The following PCED1B variants were observed in gnomAD, a reference collection of about 807,000 sequenced individuals.
PCED1B encodes the protein PC-esterase domain containing 1B, also known as PC-esterase domain-containing protein 1B.
For missense variants in PCED1B, 573 were observed against 573.9 expected (o/e 1.00, Z 0.02); for synonymous variants, 251 against 246.1 (o/e 1.02, Z -0.19).
intron 1 of PCED1B, among the ~76,000 whole-genome samples, chr12:47,085,052 G>A (rs1431082537): frequency 3.3e-5 from 5 of 152,310 alleles, no homozygotes; most frequent in Non-Finnish European, 2.9e-5. Context: ...GCTAAGGCAC[G>A]AGAATCGCTT....
At chr12:47,188,180 T>G (rs1372148035) in intron 2 of PCED1B, among the ~76,000 whole-genome samples, 2 of 152,190 alleles carry the variant, frequency 1.3e-5, no homozygotes, top group African/African-American at 4.8e-5. Context: ...ACAGTGATCT[T>G]GCCTTAGTTG....
At chr12:47,218,783 G>C (rs1943383475) in intron 3 of PCED1B, among the ~76,000 whole-genome samples, 1 of 151,172 alleles carries the variant, frequency 6.6e-6, no homozygotes, top group African/African-American at 2.4e-5. Flanking sequence ...TGGGATTTCA[G>C]GTGTGAGCCA....
chr12:47,228,531 G>C (rs1417801442), intron 3 of PCED1B, among the ~76,000 whole-genome samples: 1 of 152,064 alleles, frequency 6.6e-6, no homozygotes, highest in Non-Finnish European at 1.5e-5. Context: ...CTAAATCTTA[G>C]CTCTATCACA....
chr12:47,184,361 A>G (rs1257389192), intron 2 of PCED1B, among the ~76,000 whole-genome samples: 5 of 151,986 alleles, frequency 3.3e-5, no homozygotes, highest in Non-Finnish European at 7.4e-5. Context: ...GCATTTGCAG[A>G]TTTCCATGAT....
chr12:47,148,296 T>C (rs1278288332), intron 2 of PCED1B, among the ~76,000 whole-genome samples: 1 of 152,238 alleles, frequency 6.6e-6, no homozygotes, highest in East Asian at 1.9e-4. Context: ...AATTTTATTA[T>C]GATTTTAGAG....
chr12:47,122,895 C>T (rs1362512495), intron 2 of PCED1B, among the ~76,000 whole-genome samples: 1 of 152,180 alleles, frequency 6.6e-6, no homozygotes. Flanking sequence ...CACTGACCTC[C>T]TGGAGATTAT....
At chr12:47,119,894 G>T (rs574394025) in intron 2 of PCED1B, among the ~76,000 whole-genome samples, 1 of 151,706 alleles carries the variant, frequency 6.6e-6, no homozygotes, top group African/African-American at 2.4e-5. Context: ...TTGAACCCAG[G>T]GGGCGGAGGT....
chr12:47,183,961 G>A (rs1439623135), intron 2 of PCED1B, among the ~76,000 whole-genome samples: 2 of 152,218 alleles, frequency 1.3e-5, no homozygotes, highest in African/African-American at 4.8e-5. Flanking sequence ...TCCTGCTGAG[G>A]CAGAGCTGAC....
chr12:47,151,841 C>T (rs955318065), intron 2 of PCED1B, among the ~76,000 whole-genome samples: 2 of 152,194 alleles, frequency 1.3e-5, no homozygotes, highest in Non-Finnish European at 2.9e-5. Flanking sequence ...ATCTACTTCA[C>T]TCAGTCTGGC....
At chr12:47,170,739 GTC>G (rs1378609041) in intron 2 of PCED1B, among the ~76,000 whole-genome samples, 3 of 152,120 alleles carry the variant, frequency 2.0e-5, no homozygotes, top group African/African-American at 4.8e-5. Flanking sequence ...CAACCTGCCA[GTC>G]TCTGTTTTTC....
At chr12:47,182,235 C>T (rs960612745) in intron 2 of PCED1B, among the ~76,000 whole-genome samples, 1 of 152,052 alleles carries the variant, frequency 6.6e-6, no homozygotes, top group Non-Finnish European at 1.5e-5. Context: ...AGAGAGAGGA[C>T]CTAGAAGAAT....
intron 2 of PCED1B, among the ~76,000 whole-genome samples, chr12:47,212,633 G>A (rs74084709): frequency 6.6e-6 from 1 of 152,190 alleles, no homozygotes; most frequent in South Asian, 2.1e-4. Flanking sequence ...CCAGCCCATG[G>A]AACAGTGCCC....
intron 1 of PCED1B, among the ~76,000 whole-genome samples, chr12:47,089,378 C>T (rs552913891): frequency 3.4e-5 from 5 of 145,764 alleles, no homozygotes; most frequent in East Asian, 4.1e-4. Context: ...ACCCGGGTGG[C>T]GGGGCTTGCA....
chr12:47,221,418 T>G (rs1005816986), intron 3 of PCED1B, among the ~76,000 whole-genome samples: 4 of 149,840 alleles, frequency 2.7e-5, no homozygotes, highest in African/African-American at 9.8e-5. Context: ...GGCCAAGTGA[T>G]CCTCCTGCCT....
At chr12:47,136,507 T>A (rs1244473483) in intron 2 of PCED1B, among the ~76,000 whole-genome samples, 3 of 152,162 alleles carry the variant, frequency 2.0e-5, no homozygotes, top group Admixed American at 1.3e-4. Context: ...ATTTGAGTGA[T>A]CTTAGCTGGG....
At chr12:47,190,446 C>G (rs1942407600) in intron 2 of PCED1B, among the ~76,000 whole-genome samples, 2 of 152,230 alleles carry the variant, frequency 1.3e-5, no homozygotes, top group Non-Finnish European at 2.9e-5. Context: ...CTTCCTCCAG[C>G]TCCCTGCAGG....
intron 2 of PCED1B, among the ~76,000 whole-genome samples, chr12:47,111,299 A>G (rs1412039180): frequency 6.6e-6 from 1 of 152,206 alleles, no homozygotes; most frequent in African/African-American, 2.4e-5. Context: ...TAAATGCTTC[A>G]AAATGCATCT....
At chr12:47,224,875 T>C (rs778793436) in intron 3 of PCED1B, among the ~76,000 whole-genome samples, 1 of 152,182 alleles carries the variant, frequency 6.6e-6, no homozygotes, top group Non-Finnish European at 1.5e-5. Flanking sequence ...TCAATGTAGG[T>C]AGGTGATTCG....
chr12:47,127,368 T>A (rs965572091), intron 2 of PCED1B, among the ~76,000 whole-genome samples: 2 of 136,046 alleles, frequency 1.5e-5, no homozygotes, highest in African/African-American at 5.9e-5. Flanking sequence ...GTTTTTTATT[T>A]CTTTTTTTTT....
Sources: gnomAD v4.1 joint callset for allele counts (sites outside exome capture counted in the v4.1 genomes callset) on GRCh38, gnomAD v4.1.1 for gene constraint, MANE v1.5 for transcripts, NCBI Gene and HGNC (gene_info 2026-07-23, HGNC 2026-07-21) for gene names.